MYBPC2: variants seen among roughly 807,000 people sequenced by gnomAD.
MYBPC2 encodes myosin binding protein C2.
In MYBPC2, 122 loss-of-function variants were observed where a neutral mutation model predicts 137.0. That is an observed-to-expected ratio of 0.89 (90% CI 0.77 to 1.03). The LOEUF is 1.03. MYBPC2 is among the 50% of genes least tolerant of loss of function. The pLI is 0.00. For synonymous variants in MYBPC2, 626 were observed against 612.3 expected, an observed-to-expected ratio of 1.02 and a Z score of -0.33; for missense variants, 1,500 against 1,534.4, an observed-to-expected ratio of 0.98 and a Z score of 0.37.
At chr19:50,447,144 C>T (rs750919084) in intron 12 of MYBPC2, among the ~76,000 whole-genome samples, 2 of 152,060 alleles carry the variant, frequency 1.3e-5, no homozygotes, top group Non-Finnish European at 2.9e-5. Flanking sequence ...CCCCCCAGTA[C>T]CCGCCAGAGT....
chr19:50,432,896 T>G lies in MYBPC2; in HGVS notation c.-58T>G, dbSNP rs1176654456. On this transcript the variant is annotated 5_prime_UTR_variant, in exon 1 of 28. Coordinates refer to ENST00000357701, the MANE Select transcript of MYBPC2 (RefSeq NM_004533.4). This position sits in a 1 kb window ranked among gnomAD's most constrained non-coding sequence, Gnocchi z 5.5. ...GCTCCCCTTAGGGGCCCACCTGTCC[T>G]CCCTAGGGCCTAGCGGGACGCGGCT... 1 of 1,587,152 alleles carries G rather than the reference T, an allele frequency of 6.3e-7. No homozygotes were observed. The highest frequency in any genetic ancestry group is 1.8e-5 in the Admixed American group (1 of 56,894).
At chr19:50,454,470 G>A in intron 18 of MYBPC2, 101 bp downstream of exon 18, 1 of 1,043,358 alleles carries the variant, frequency 9.6e-7, no homozygotes, top group Non-Finnish European at 1.3e-6. Context: ...CTATCGCCCA[G>A]GCTGGAGTGC....
chr19:50,455,436 TCTGACTCCTGCCCCTTCCTG>T (rs761986011), intron 19 of MYBPC2, 54 bp from the exon 20 acceptor site: 217 of 1,574,542 alleles, frequency 1.4e-4, no homozygotes, highest in Non-Finnish European at 1.9e-4. Context: ...TCATTCTACC[TCTGACTCCTGCCCCTTCCTG>T]CTGACCCCTG....
At chr19:50,437,626 G>A in intron 6 of MYBPC2, 33 bp from the exon 7 acceptor site, 1 of 1,596,490 alleles carries the variant, frequency 6.3e-7, no homozygotes, top group Non-Finnish European at 8.5e-7. Flanking sequence ...AATCTGAAGG[G>A]TCAAGACTCA....
chr19:50,466,176 CTTTCTCGT>C lies in MYBPC2; in HGVS notation c.3416-14_3416-7del. The C allele has an allele frequency of 6.2e-7, 1 of 1,613,762 alleles. No homozygotes were observed. Among genetic ancestry groups the C allele is most frequent in the Non-Finnish European group, 8.5e-7 (1 of 1,179,858 alleles). On this transcript the variant is annotated splice_polypyrimidine_tract_variant and intron_variant, in intron 27 of 27. Coordinates refer to ENST00000357701, the MANE Select transcript of MYBPC2 (RefSeq NM_004533.4). The surrounding 1 kb of genome is among the most constrained non-coding windows in gnomAD (Gnocchi z 4.9). ...GGCGTGCCCGGGCCTGGCTCACCCG[CTTTCTCGT>C]TTTCCTGCAGTGCCGCAGTGAGACC...
chr19:50,455,138 C>T lies in MYBPC2; in HGVS notation c.2045C>T (p.Ser682Phe), dbSNP rs768322627. Residue 682 changes from serine to phenylalanine, a missense_variant, in exon 19 of 28, where the codon TCT becomes TTT. By Grantham distance (155) the Ser-to-Phe change is radical (BLOSUM62 -2). Transcript: ENST00000357701. The stretch of plus-strand genomic sequence containing the variant: ...CTCGTAGAGCGGAAGAAGAAGGGCT[C>T]TCAGCGCTGGATGAAGCTGAACTTT... Reference protein sequence around the residue: ...GYLVERKKKGSQRWMKLNFEV... With the variant: ...GYLVERKKKGFQRWMKLNFEV... 6 of 1,613,586 alleles carry T rather than the reference C, an allele frequency of 3.7e-6. No individual in the cohort carries two copies. The highest frequency in any genetic ancestry group is 1.1e-5 in the South Asian group (1 of 91,052).
At chr19:50,455,006 G>T (rs530536667) in intron 18 of MYBPC2, 102 bp from the exon 19 acceptor site, 3 of 1,125,572 alleles carry the variant, frequency 2.7e-6, no homozygotes, top group Non-Finnish European at 2.5e-6. Flanking sequence ...GCCTCGGACC[G>T]CCCTGGCCAT....
At chr19:50,437,426 G>T (rs1450109057) in intron 5 of MYBPC2, 47 bp from the exon 6 acceptor site, 1 of 1,575,592 alleles carries the variant, frequency 6.3e-7, no homozygotes, top group African/African-American at 1.3e-5. Flanking sequence ...TCTAAGATCA[G>T]CCCTGGCCTC....
rs750473533 is a variant in MYBPC2, at chr19:50,458,713, C to T, written c.2465C>T (p.Pro822Leu). ...GTCAACATCGCGGGGCGCAGCGAGC[C>T]GGCCACCCTGGCCCAGCCGGTCACC... is the stretch of plus-strand genomic sequence containing the variant. ...VGVNIAGRSE[P>L]ATLAQPVTIR... The change falls in exon 21 of 28, where the codon CCG (proline) becomes CTG (leucine). Residue 822 changes from proline to leucine, a missense_variant. Transcript: ENST00000357701. 3 of 1,609,766 alleles carry T rather than the reference C, an allele frequency of 1.9e-6. No homozygotes were observed. The highest frequency in any genetic ancestry group is 4.5e-5 in the East Asian group (2 of 44,882).
intron 20 of MYBPC2, among the ~76,000 whole-genome samples, 152 bp downstream of exon 20, chr19:50,455,796 A>AC (rs1338023585): frequency 6.6e-6 from 1 of 150,710 alleles, no homozygotes; most frequent in Non-Finnish European, 1.5e-5. Flanking sequence ...CTGGGATGGG[A>AC]CCCCCCTGTG....
Position 50,454,048 on chromosome 19 carries a change from G to A in MYBPC2, c.1778G>A (p.Arg593His), listed in dbSNP as rs371015595. Reference protein sequence around the residue: ...EVFTTTEGRTRIEKRVDCSSF... With the variant: ...EVFTTTEGRTHIEKRVDCSSF... The stretch of plus-strand genomic sequence containing the variant: ...TTCACGACCACCGAGGGCAGGACCC[G>A]CATCGAGAAGCGGGTGGACTGCAGC... Residue 593 changes from arginine (R) to histidine (H), a missense_variant, in exon 17 of 28, where the codon CGC becomes CAC. Coordinates refer to ENST00000357701, the MANE Select transcript of MYBPC2 (RefSeq NM_004533.4). 7.5e-6 allele frequency: 12 copies of A among 1,606,724 alleles called. No homozygotes were observed. The highest frequency in any genetic ancestry group is 2.7e-5 in the African/African-American group (2 of 74,720).
chr19:50,455,351 A>G, intron 19 of MYBPC2, 55 bp downstream of exon 19: 2 of 1,583,238 alleles, frequency 1.3e-6, no homozygotes, highest in East Asian at 4.5e-5. Flanking sequence ...ACTCTGATCC[A>G]TCAACCCCGT....
chr19:50,436,039 TG>T lies in MYBPC2; in HGVS notation c.225del (p.Asn76ThrfsTer90). Reference protein sequence around the residue: ...TGKDAVVVAKVNGKELPDKPT... With the variant: ...TGKDAVVVAKXNGKELPDKPT... The stretch of plus-strand genomic sequence containing the variant: ...AAGGACGCAGTGGTCGTGGCCAAGG[TG>T]AACGGGAAGGAGCTCCCAGACAAAC... On this transcript the variant is annotated frameshift_variant, in exon 4 of 28. Coordinates refer to ENST00000357701, the MANE Select transcript of MYBPC2 (RefSeq NM_004533.4). LOFTEE classifies it high-confidence loss of function. The T allele has an allele frequency of 6.3e-7, 1 of 1,583,380 alleles. No individual in the cohort carries two copies. The highest frequency in any genetic ancestry group is 1.8e-5 in the Admixed American group (1 of 55,316).
rs1454135193 is a variant in MYBPC2, at chr19:50,435,203, C to A, written c.62C>A (p.Ala21Asp). The part of the protein sequence containing the change: ...APKGKDAPKG[A>D]PKEAPPKEAP... ...AAAGGCAAAGATGCCCCCAAAGGAG[C>A]CCCCAAGGAGGCTCCCCCTAAGGAG... Residue 21 changes from alanine to aspartate, a missense_variant, in exon 2 of 28, where the codon GCC (alanine) becomes GAC (aspartate). Coordinates refer to ENST00000357701, the MANE Select transcript of MYBPC2 (RefSeq NM_004533.4). The surrounding 1 kb of genome is among the most constrained non-coding windows in gnomAD (Gnocchi z 4.8). 3 of 1,429,906 alleles carry A rather than the reference C, an allele frequency of 2.1e-6. No homozygotes were observed. The highest frequency in any genetic ancestry group is 2.9e-6 in the Non-Finnish European group (3 of 1,017,848). The allele number at this position is 1,429,906 out of a possible 1,614,324, so 88.6% of individuals were successfully genotyped here.
rs143679406 is a variant in MYBPC2, at chr19:50,456,229, TCATCCATC to T, written c.2338+611_2338+618del. Among the ~76,000 whole-genome samples, 1,321 of 144,928 alleles carry T rather than the reference TCATCCATC, an allele frequency of 9.1e-3. 24 individuals carry two copies. Among genetic ancestry groups the T allele is most frequent in the African/African-American group, 0.032 (1,243 of 38,664 alleles). On this transcript the variant is annotated intron_variant, in intron 20 of 27. Transcript: ENST00000357701. ...TCCACCCATCCATATTTCCATCTAT[TCATCCATC>T]CATCCATCCATCCATCCATCCATCC...
intron 1 of MYBPC2, among the ~76,000 whole-genome samples, chr19:50,434,114 T>C (rs2039681446): frequency 1.3e-5 from 2 of 149,648 alleles, no homozygotes; most frequent in Non-Finnish European, 3.0e-5. Flanking sequence ...TCCCAGCACC[T>C]TGGGAGGCCA....
At chr19:50,454,431 T>G (rs1212064189) in intron 18 of MYBPC2, 62 bp downstream of exon 18, 23 of 1,378,918 alleles carry the variant, frequency 1.7e-5, no homozygotes, top group African/African-American at 1.1e-4. Flanking sequence ...TTTTTTTTTT[T>G]TTTTTTTTTT....
At position 50,460,154 on chromosome 19, in the gene MYBPC2, T is replaced by TA. The variant is rs2039959208; in HGVS notation, c.2906_2907insA (p.Gln970ProfsTer15). 6.3e-7 allele frequency: 1 copy of TA among 1,598,996 alleles called. No individual in the cohort carries two copies. The highest frequency in any genetic ancestry group is 8.5e-7 in the Non-Finnish European group (1 of 1,173,324). On this transcript the variant is annotated frameshift_variant, in exon 24 of 28. Coordinates refer to ENST00000357701, the MANE Select transcript of MYBPC2 (RefSeq NM_004533.4). LOFTEE classifies it high-confidence loss of function. ...AACAGTGAGATCATGGGGTATTTCG[T>TA]CCAGAAAGCAGACAAAAAAACCATG...
At chr19:50,459,365 G>A in intron 23 of MYBPC2, 59 bp downstream of exon 23, 2 of 1,532,692 alleles carry the variant, frequency 1.3e-6, no homozygotes, top group Admixed American at 1.9e-5. Context: ...GCAGCGATGG[G>A]GGAGGAGGTA....
Sources: allele counts gnomAD v4.1 joint callset (sites outside exome capture counted in the v4.1 genomes callset), GRCh38; gene constraint gnomAD v4.1.1; non-coding constraint Gnocchi (gnomAD v3.1); transcripts MANE v1.5; gene names NCBI Gene and HGNC (gene_info 2026-07-23, HGNC 2026-07-21).